Variants in PRUNE2 observed in about 807,000 individuals in gnomAD.
The protein encoded by PRUNE2 is protein prune homolog 2.
In PRUNE2, 164 loss-of-function variants were observed where a neutral mutation model predicts 252.0. The observed-to-expected ratio is 0.65, with a 90% confidence interval of 0.57 to 0.74. The LOEUF (loss-of-function observed/expected upper bound fraction) is 0.74, where lower values mean the gene tolerates loss of function less well. Among genes scored for constraint, PRUNE2 ranks in the 30% least tolerant of loss-of-function variants. The pLI is 0.00. For synonymous variants in PRUNE2, 1,292 were observed against 1,350.2 expected (o/e 0.96, Z 0.94); for missense variants, 3,495 against 3,711.0 (o/e 0.94, Z 1.51).
chr9:76,721,537 C>T (rs1427859137), intron 6 of PRUNE2, among the ~76,000 whole-genome samples: 1 of 152,008 alleles, frequency 6.6e-6, no homozygotes, highest in Non-Finnish European at 1.5e-5. Context: ...TTTGTTTTTG[C>T]AGGAAATGGA....
chr9:76,725,548 GTTTT>G (rs925289115), intron 6 of PRUNE2, among the ~76,000 whole-genome samples: 1 of 151,388 alleles, frequency 6.6e-6, no homozygotes, highest in Non-Finnish European at 1.5e-5. Flanking sequence ...AAAGTAATTA[GTTTT>G]TTTTGAAGTC....
At chr9:76,838,307 C>T (rs1329435013) in intron 4 of PRUNE2, among the ~76,000 whole-genome samples, 1 of 151,930 alleles carries the variant, frequency 6.6e-6, no homozygotes, top group African/African-American at 2.4e-5. Flanking sequence ...GATCTAAAAA[C>T]AATGAGTAAT....
rs1296320130 is a variant in PRUNE2 at position 76,868,847 on chromosome 9, G to GGC, written c.37-14641_37-14640dup. ...CAGATCCTTGGGGGGTGGGGGGGGG[G>GGC]GCGGGGGGGAAGGAAAGGCTTCTGC... On this transcript the variant is annotated intron_variant, in intron 1 of 18. Transcript: ENST00000376718. The GGC allele has an allele frequency of 1.6e-4, 20 of 122,986 alleles. No homozygotes were observed. In the East Asian group the frequency reaches 5.1e-3, roughly 31 times the overall value. The allele number at this position is 122,986 out of a possible 1,614,324, so 7.6% of individuals were successfully genotyped here. A position where few individuals can be genotyped will look rare whatever the true frequency, so the allele number is the denominator to read the frequency against.
rs544094065 is a variant in PRUNE2, at chr9:76,668,300, A to G, written c.8277-12798T>C. 1.1e-4 allele frequency among the ~76,000 whole-genome samples: 17 copies of G among 152,354 alleles called. 1 individual carries two copies. The highest frequency in any genetic ancestry group is 3.8e-4 in the African/African-American group (16 of 41,590). On this transcript the variant is annotated intron_variant, in intron 9 of 18. Coordinates refer to ENST00000376718, the MANE Select transcript of PRUNE2 (RefSeq NM_015225.3). ...AACAGTCTGAATTTGATGATCATGC[A>G]AACACGAAATAATTAAAAATTTCTC...
At chr9:76,828,741 C>G (rs908461543) in intron 4 of PRUNE2, among the ~76,000 whole-genome samples, 1 of 152,080 alleles carries the variant, frequency 6.6e-6, no homozygotes, top group South Asian at 2.1e-4. Flanking sequence ...TCCAGCCGGG[C>G]GCAGCGGCTC....
In PRUNE2 at chr9:76,703,678, T is replaced by C. The variant is rs1420281784; in HGVS notation, c.7935A>G (p.Ser2645=). Residue 2645 remains serine (S), a synonymous_variant, in exon 9 of 19, where the codon TCA becomes TCG. Transcript: ENST00000376718. ...FLGHSEVGDP[S]LDARDSGPGW... ...CAGGCCCTGAGTCCCTGGCATCCAGTGATGGATCACCAACCTCACTATGGC... is the reference window on the plus strand; with the variant it reads ...CAGGCCCTGAGTCCCTGGCATCCAGCGATGGATCACCAACCTCACTATGGC... The C allele has an allele frequency of 1.7e-5, 27 of 1,612,924 alleles. No homozygotes were observed. The highest frequency in any genetic ancestry group is 2.1e-5 in the Non-Finnish European group (25 of 1,179,856).
chr9:76,653,926 C>T (rs746657284), intron 10 of PRUNE2, among the ~76,000 whole-genome samples: 1 of 152,234 alleles, frequency 6.6e-6, no homozygotes, highest in African/African-American at 2.4e-5. Flanking sequence ...CATTTTTTAA[C>T]CAAGCTTAAA....
chr9:76,821,829 C>A (rs965563640), intron 6 of PRUNE2, among the ~76,000 whole-genome samples: 3 of 152,108 alleles, frequency 2.0e-5, no homozygotes, highest in Middle Eastern at 3.2e-3. Context: ...CATTTGCATA[C>A]CCCTATAATA....
chr9:76,851,621 T>A (rs187355088), intron 2 of PRUNE2, among the ~76,000 whole-genome samples: 1 of 152,042 alleles, frequency 6.6e-6, no homozygotes, highest in Non-Finnish European at 1.5e-5. Flanking sequence ...GGGGTATTAT[T>A]TGTGAAATTT....
chr9:76,751,585 A>G (rs1349590975), intron 6 of PRUNE2, among the ~76,000 whole-genome samples: 1 of 152,186 alleles, frequency 6.6e-6, no homozygotes, highest in Non-Finnish European at 1.5e-5. Context: ...TTAAATTTGT[A>G]TCTTCGTGGG....
In PRUNE2 at chr9:76,613,260, T is replaced by A. The variant is rs925408564; in HGVS notation, c.*1310A>T. The A allele has an allele frequency of 6.6e-6, 1 of 152,238 alleles. No homozygotes were observed. Among genetic ancestry groups the A allele is most frequent in the South Asian group, 2.1e-4 (1 of 4,836 alleles). 9.4% of individuals were successfully genotyped at this position (152,238 alleles called of 1,614,324 possible). ...CAAATTGGGGTGGAGTAGGAAAGGA[T>A]GCGTTTGCTAGAGCAGGGGTCAGCA... On this transcript the variant is annotated 3_prime_UTR_variant, in exon 19 of 19. Coordinates refer to ENST00000376718, the MANE Select transcript of PRUNE2 (RefSeq NM_015225.3).
chr9:76,821,791 A>G (rs1347814330), intron 6 of PRUNE2, among the ~76,000 whole-genome samples: 2 of 152,150 alleles, frequency 1.3e-5, no homozygotes, highest in African/African-American at 2.4e-5. Context: ...CTTGATAGAC[A>G]TTTACAGTTT....
In PRUNE2 at chr9:76,710,216, C is replaced by T. The variant is rs1204564450; in HGVS notation, c.2058G>A (p.Trp686Ter). Reference protein sequence around the residue: ...QESVFQSPESWKEHKPSSIDR... With the variant: ...QESVFQSPES ...CAATGGAGCTTGGCTTATGCTCTTT[C>T]CATGATTCAGGGCTCTGGAAAACAG... The change falls in exon 8 of 19, where the codon TGG becomes TGA. Residue 686 changes from tryptophan to a stop codon, truncating the protein, a stop_gained. Coordinates refer to ENST00000376718, the MANE Select transcript of PRUNE2 (RefSeq NM_015225.3). LOFTEE classifies it high-confidence loss of function. 1.2e-6 allele frequency: 2 copies of T among 1,613,950 alleles called. No individual in the cohort carries two copies. The highest frequency in any genetic ancestry group is 1.3e-5 in the African/African-American group (1 of 75,042).
chr9:76,735,578 A>G (rs2049005962), intron 6 of PRUNE2, among the ~76,000 whole-genome samples: 1 of 152,110 alleles, frequency 6.6e-6, no homozygotes, highest in Non-Finnish European at 1.5e-5. Flanking sequence ...AAGGCTGACC[A>G]TGGAAGACTT....
chr9:76,739,691 G>C (rs1048033703), intron 6 of PRUNE2: 13 of 152,286 alleles, frequency 8.5e-5, no homozygotes, highest in African/African-American at 3.1e-4. Flanking sequence ...TATCACATCA[G>C]AGTTTGCTGT....
intron 6 of PRUNE2, among the ~76,000 whole-genome samples, chr9:76,754,268 T>G (rs2050902444): frequency 6.6e-6 from 1 of 151,144 alleles, no homozygotes. Context: ...TTTGTGGGAG[T>G]GGGGGTGGGG....
chr9:76,651,040 A>T (rs1847177316), intron 11 of PRUNE2, among the ~76,000 whole-genome samples: 1 of 152,140 alleles, frequency 6.6e-6, no homozygotes, highest in African/African-American at 2.4e-5. Context: ...GGATGACAGG[A>T]AATAGTACAA....
intron 6 of PRUNE2, among the ~76,000 whole-genome samples, chr9:76,773,370 T>G (rs936460889): frequency 6.6e-6 from 1 of 152,164 alleles, no homozygotes; most frequent in Admixed American, 6.6e-5. Flanking sequence ...AATCTTTTCT[T>G]TATTCATGTT....
intron 6 of PRUNE2, among the ~76,000 whole-genome samples, chr9:76,750,970 G>T (rs1371931429): frequency 2.6e-5 from 4 of 152,158 alleles, no homozygotes. Flanking sequence ...TATTGAACCA[G>T]ACTAGGAGAC....
Sources: allele counts gnomAD v4.1 joint callset (sites outside exome capture counted in the v4.1 genomes callset), GRCh38; gene constraint gnomAD v4.1.1; transcripts MANE v1.5; gene names NCBI Gene and HGNC (gene_info 2026-07-23, HGNC 2026-07-21).